Variants in PALD1 observed in about 807,000 individuals in gnomAD.
PALD1 encodes the protein paladin.
PALD1 carries 57 observed loss-of-function variants against 96.0 expected under a neutral mutation model. The observed-to-expected ratio is 0.59, with a 90% CI of 0.48 to 0.74. The LOEUF (loss-of-function observed/expected upper bound fraction) is 0.74, where lower values mean the gene tolerates loss of function less well. Ranked by LOEUF, PALD1 falls within the 30% of genes least tolerant of loss-of-function variation. The probability of loss-of-function intolerance (pLI) is 0.00; values close to 1 mark genes in which losing one functional copy is unlikely to be tolerated. For synonymous variants in PALD1, 464 were observed against 473.6 expected, an observed-to-expected ratio of 0.98 and a Z score of 0.26; for missense variants, 1,063 against 1,143.7, an observed-to-expected ratio of 0.93 and a Z score of 1.02.
chr10:70,510,021 C>CT (rs1589186336), intron 1 of PALD1, among the ~76,000 whole-genome samples: 1 of 151,936 alleles, frequency 6.6e-6, no homozygotes, highest in South Asian at 2.1e-4. Flanking sequence ...TCTAGTGGGG[C>CT]TTTTTTTTCC....
intron 18 of PALD1, 43 bp from the exon 19 acceptor site, chr10:70,564,321 C>T (rs1589223396): frequency 6.4e-7 from 1 of 1,565,526 alleles, no homozygotes; most frequent in East Asian, 2.3e-5. Flanking sequence ...TGTTGGGGGA[C>T]ACGGATCCCC....
rs372761625 is a variant in PALD1 at position 70,564,348 on chromosome 10, C to G, written c.2263-16C>G. The stretch of plus-strand genomic sequence containing the variant: ...CGGATCCCCCCACACTGACCCCACC[C>G]TGTCCTGTCCTCCAGGCGAAGGCAG... On this transcript the variant is annotated splice_polypyrimidine_tract_variant and intron_variant, in intron 18 of 19. Transcript: ENST00000263563. The G allele has an allele frequency of 2.5e-6, 4 of 1,608,282 alleles. No homozygotes were observed. The highest frequency in any genetic ancestry group is 3.4e-6 in the Non-Finnish European group (4 of 1,177,150).
intron 1 of PALD1, among the ~76,000 whole-genome samples, chr10:70,490,995 C>T (rs1354253552): frequency 6.6e-6 from 1 of 152,062 alleles, no homozygotes; most frequent in Non-Finnish European, 1.5e-5. Flanking sequence ...CGCTCTGTCG[C>T]CCAGGCATGG....
intron 18 of PALD1, among the ~76,000 whole-genome samples, chr10:70,561,347 G>C (rs143092617): frequency 1.4e-4 from 22 of 152,344 alleles, no homozygotes; most frequent in African/African-American, 4.8e-4. Flanking sequence ...TGGAACTGTG[G>C]GTGATTTCCT....
chr10:70,550,703 G>T (rs914558699), intron 18 of PALD1, among the ~76,000 whole-genome samples: 2 of 152,136 alleles, frequency 1.3e-5, no homozygotes, highest in South Asian at 4.1e-4. Context: ...TGGCCATTTC[G>T]TATAAGTGGA....
At position 70,539,188 on chromosome 10, in the gene PALD1, G is replaced by A; in HGVS notation, c.1666G>A (p.Asp556Asn). ...SLREEAVLEC[D>N]GHTYSLRWPG... ...TCGGGAGGAGGCCGTGTTGGAGTGTGACGGGCACACCTACAGCCTGCGGTG... is the reference window on the plus strand; with the variant it reads ...TCGGGAGGAGGCCGTGTTGGAGTGTAACGGGCACACCTACAGCCTGCGGTG... The change falls in exon 14 of 20, where the codon GAC (aspartate) becomes AAC (asparagine). Residue 556 changes from aspartate to asparagine, a missense_variant. Physicochemically the swap from Asp to Asn is conservative, Grantham distance 23 (BLOSUM62 1). Transcript: ENST00000263563. The surrounding 1 kb of genome is among the most constrained non-coding windows in gnomAD (Gnocchi z 4.5). 1 of 1,613,176 alleles carries A rather than the reference G, an allele frequency of 6.2e-7. No homozygotes were observed. The highest frequency in any genetic ancestry group is 2.2e-5 in the East Asian group (1 of 44,856).
intron 1 of PALD1, among the ~76,000 whole-genome samples, chr10:70,506,658 G>T (rs1265600178): frequency 6.6e-6 from 1 of 152,174 alleles, no homozygotes; most frequent in African/African-American, 2.4e-5. Flanking sequence ...AACATGTTTG[G>T]TCCTCAGGAG....
chr10:70,534,802 C>T lies in PALD1; in HGVS notation c.1186C>T (p.Gln396Ter), dbSNP rs1847076045. Reference sequence around the variant, plus strand: ...CCTGAAAGAAGTGGTCTTGGAAAACCAGAAGAAGTTAGAAGGTATCCGACC... The same window carrying T: ...CCTGAAAGAAGTGGTCTTGGAAAACTAGAAGAAGTTAGAAGGTATCCGACC... ...HDLKEVVLEN[Q>*]KKLEGIRPES... The change falls in exon 10 of 20, where the codon CAG becomes TAG. Residue 396 changes from glutamine (Q) to a stop codon, truncating the protein, a stop_gained. Transcript: ENST00000263563. LOFTEE classifies it high-confidence loss of function. The T allele has an allele frequency of 6.2e-7, 1 of 1,612,586 alleles. No individual in the cohort carries two copies. Among genetic ancestry groups the T allele is most frequent in the African/African-American group, 1.3e-5 (1 of 74,786 alleles).
chr10:70,519,324 A>G (rs561716584), intron 1 of PALD1, among the ~76,000 whole-genome samples: 3 of 152,162 alleles, frequency 2.0e-5, no homozygotes, highest in Non-Finnish European at 4.4e-5. Context: ...TTTATGTTTC[A>G]TGGTTCTAGA....
At chr10:70,465,069 G>A in the PALD1 span, among the ~76,000 whole-genome samples, 1 of 151,686 alleles carries the variant, frequency 6.6e-6, no homozygotes, top group Non-Finnish European at 1.5e-5. Flanking sequence ...CCACCTCCTG[G>A]GTTCACATCA....
chr10:70,531,114 A>G (rs1846980573), intron 4 of PALD1, among the ~76,000 whole-genome samples, 176 bp from the exon 5 acceptor site: 1 of 152,194 alleles, frequency 6.6e-6, no homozygotes, highest in South Asian at 2.1e-4. Flanking sequence ...TGGGAGGGTC[A>G]CAGGGAGGTA....
intron 1 of PALD1, among the ~76,000 whole-genome samples, chr10:70,503,469 C>T (rs1811784854): frequency 1.3e-5 from 2 of 151,966 alleles, no homozygotes; most frequent in African/African-American, 4.8e-5. Flanking sequence ...AACCCCGTCT[C>T]TACTAAAAAT....
chr10:70,476,240 A>G (rs1310509163), upstream of PALD1, among the ~76,000 whole-genome samples: 40 of 152,164 alleles, frequency 2.6e-4, no homozygotes, highest in Admixed American at 2.6e-3. Flanking sequence ...GAGAGGCTCA[A>G]ATGGGCTCAA....
chr10:70,522,962 G>T (rs189833968), intron 1 of PALD1, among the ~76,000 whole-genome samples: 1 of 152,336 alleles, frequency 6.6e-6, no homozygotes, highest in South Asian at 2.1e-4. Context: ...AAGGCCCCAC[G>T]CTGGTGAGGT....
At chr10:70,476,974 T>A (rs1328120779), upstream of PALD1, among the ~76,000 whole-genome samples, 1 of 152,210 alleles carries the variant, frequency 6.6e-6, no homozygotes, top group Non-Finnish European at 1.5e-5. Context: ...CCTATAGGTA[T>A]GCATGTTTAT....
chr10:70,480,381 G>T (rs758902163), intron 1 of PALD1, among the ~76,000 whole-genome samples: 16 of 152,294 alleles, frequency 1.1e-4, no homozygotes, highest in African/African-American at 3.8e-4. Context: ...AGCCTCTGTC[G>T]CGGGGGGTTG....
At chr10:70,514,371 A>G (rs917466964) in intron 1 of PALD1, among the ~76,000 whole-genome samples, 3 of 152,064 alleles carry the variant, frequency 2.0e-5, no homozygotes, top group Non-Finnish European at 2.9e-5. Context: ...CTTTTAAACT[A>G]TTTTTTTTCT....
At chr10:70,471,585 T>C in the PALD1 span, among the ~76,000 whole-genome samples, 3 of 152,254 alleles carry the variant, frequency 2.0e-5, no homozygotes, top group Non-Finnish European at 2.9e-5. Flanking sequence ...GGATGTTCCA[T>C]AGTTTAGCCA....
intron 10 of PALD1, among the ~76,000 whole-genome samples, chr10:70,535,530 C>T (rs1200983798): frequency 7.3e-6 from 1 of 136,448 alleles, no homozygotes; most frequent in African/African-American, 2.8e-5. Context: ...TTCCTCCTTC[C>T]TCCTCTTCTT....
Sources: allele counts gnomAD v4.1 joint callset (sites outside exome capture counted in the v4.1 genomes callset), GRCh38; gene constraint gnomAD v4.1.1; non-coding constraint Gnocchi (gnomAD v3.1); transcripts MANE v1.5; gene names NCBI Gene and HGNC (gene_info 2026-07-23, HGNC 2026-07-21).